The following GRID1 variants were observed in gnomAD, a reference collection of about 807,000 sequenced individuals.
The protein encoded by GRID1 is glutamate receptor ionotropic, delta-1.
In GRID1, 28 loss-of-function variants were observed where a neutral mutation model predicts 98.0. That is an observed-to-expected ratio of 0.29 (90% confidence interval 0.21 to 0.39). GRID1 has a LOEUF of 0.39. GRID1 is among the 10% of genes least tolerant of loss of function. The probability of loss-of-function intolerance (pLI) is 1.00; values close to 1 mark genes in which losing one functional copy is unlikely to be tolerated. For synonymous variants in GRID1, 553 were observed against 538.5 expected (o/e 1.03, Z -0.37); for missense variants, 1,111 against 1,340.5 (o/e 0.83, Z 2.67).
chr10:86,092,655 G>A (rs1389158491), intron 4 of GRID1, among the ~76,000 whole-genome samples: 1 of 152,144 alleles, frequency 6.6e-6, no homozygotes, highest in Non-Finnish European at 1.5e-5. Context: ...AGTGTATAAT[G>A]GCAAAAGGCC....
At chr10:86,313,706 G>A (rs977074708) in intron 2 of GRID1, among the ~76,000 whole-genome samples, 16 of 152,142 alleles carry the variant, frequency 1.1e-4, no homozygotes, top group African/African-American at 3.1e-4. Flanking sequence ...CAGGAAATTC[G>A]TGGGAGAGGA....
chr10:85,623,369 CTCT>C lies in GRID1; in HGVS notation c.2194-3339_2194-3337del, dbSNP rs552406975. Among the ~76,000 whole-genome samples the C allele has an allele frequency of 7.0e-3, 1,063 of 152,256 alleles. 3 individuals are homozygous for C. The highest frequency in any genetic ancestry group is 0.012 in the Non-Finnish European group (849 of 68,020). ...TGGCCCTGTTGTCTTTATACAGACC[CTCT>C]TCTTGTTTCCTTGCAGAATGAGCTC... is the stretch of plus-strand genomic sequence containing the variant. On this transcript the variant is annotated intron_variant, in intron 13 of 15. Transcript: ENST00000327946.
At chr10:86,159,067 T>A (rs1845285110) in intron 3 of GRID1, among the ~76,000 whole-genome samples, 2 of 152,240 alleles carry the variant, frequency 1.3e-5, no homozygotes, top group South Asian at 4.1e-4. Context: ...CTAATTTTTT[T>A]GTATTTTTGG....
At chr10:86,240,806 C>T (rs1433275998) in intron 2 of GRID1, among the ~76,000 whole-genome samples, 1 of 152,222 alleles carries the variant, frequency 6.6e-6, no homozygotes, top group Non-Finnish European at 1.5e-5. Context: ...CAAGCAGTGG[C>T]TCACTGGTGG....
intron 2 of GRID1, among the ~76,000 whole-genome samples, chr10:86,358,003 C>T (rs902308818): frequency 6.6e-6 from 1 of 152,140 alleles, no homozygotes; most frequent in African/African-American, 2.4e-5. Context: ...TGGGTCCAAG[C>T]GGCAGCACCA....
At chr10:85,616,314 GT>G (rs1842788041) in intron 14 of GRID1, among the ~76,000 whole-genome samples, 1 of 152,204 alleles carries the variant, frequency 6.6e-6, no homozygotes, top group Admixed American at 6.5e-5. Flanking sequence ...GCCCACTGTT[GT>G]AATTAGAAAG....
intron 3 of GRID1, among the ~76,000 whole-genome samples, chr10:86,179,939 G>A (rs1283441027): frequency 6.6e-6 from 1 of 152,188 alleles, no homozygotes; most frequent in East Asian, 1.9e-4. Context: ...CTGCACATGG[G>A]CGGGAGGGAG....
At chr10:86,150,870 A>G (rs1190684930) in intron 3 of GRID1, among the ~76,000 whole-genome samples, 3 of 152,174 alleles carry the variant, frequency 2.0e-5, no homozygotes, top group Non-Finnish European at 4.4e-5. Flanking sequence ...GTGCCCTCAC[A>G]AGACGTCAGA....
At position 85,896,854 on chromosome 10, in the gene GRID1, C is replaced by G. The variant is rs192396067; in HGVS notation, c.780+19332G>C. On this transcript the variant is annotated intron_variant, in intron 5 of 15. Coordinates refer to ENST00000327946, the MANE Select transcript of GRID1 (RefSeq NM_017551.3). ...TCATCAGAAGGAGACATCAAGAGATCTAGGTATAAGGATGTTGATTGCAGC... is the reference window on the plus strand; with the variant it reads ...TCATCAGAAGGAGACATCAAGAGATGTAGGTATAAGGATGTTGATTGCAGC... Among the ~76,000 whole-genome samples, 392 of 152,250 alleles carry G rather than the reference C, an allele frequency of 2.6e-3. 2 individuals are homozygous for G. The highest frequency in any genetic ancestry group is 3.2e-3 in the Non-Finnish European group (217 of 68,016).
At chr10:85,842,037 C>A (rs889229231) in intron 8 of GRID1, among the ~76,000 whole-genome samples, 68 of 152,070 alleles carry the variant, frequency 4.5e-4, no homozygotes, top group African/African-American at 1.6e-3. Context: ...ATGTTCACTA[C>A]AGCACAATTC....
intron 4 of GRID1, among the ~76,000 whole-genome samples, chr10:86,006,384 GC>G (rs1218254894): frequency 6.6e-6 from 1 of 152,156 alleles, no homozygotes; most frequent in Non-Finnish European, 1.5e-5. Context: ...ACTTTGGGAG[GC>G]CGAGGTGAGC....
intron 12 of GRID1, among the ~76,000 whole-genome samples, chr10:85,651,105 AG>A (rs1436028345): frequency 6.6e-6 from 1 of 152,228 alleles, no homozygotes; most frequent in Non-Finnish European, 1.5e-5. Flanking sequence ...GATGCATGCA[AG>A]CTCCAGAACC....
At position 85,740,014 on chromosome 10, in the gene GRID1, T is replaced by A. The variant is rs544239182; in HGVS notation, c.1234-10400A>T. ...CCTAGAGGAAGCATTGTTTTTATAA[T>A]CAGAAGAAAAATGATAAAGCAATTT... On this transcript the variant is annotated intron_variant, in intron 8 of 15. Coordinates refer to ENST00000327946, the MANE Select transcript of GRID1 (RefSeq NM_017551.3). Among the ~76,000 whole-genome samples the A allele has an allele frequency of 7.9e-5, 12 of 152,280 alleles. No individual in the cohort carries two copies. The South Asian group carries it at 2.1e-3, about 26-fold the overall frequency.
intron 2 of GRID1, among the ~76,000 whole-genome samples, chr10:86,301,863 C>G (rs529533990): frequency 2.0e-5 from 3 of 152,358 alleles, no homozygotes; most frequent in Admixed American, 6.5e-5. Flanking sequence ...TAACAGCTTT[C>G]TGATTCAACA....
At chr10:85,911,567 G>A (rs1841539292) in intron 5 of GRID1, among the ~76,000 whole-genome samples, 1 of 152,280 alleles carries the variant, frequency 6.6e-6, no homozygotes, top group Non-Finnish European at 1.5e-5. Flanking sequence ...GAAAACCCAG[G>A]TGCAAAGGTT....
intron 2 of GRID1, among the ~76,000 whole-genome samples, chr10:86,283,903 TA>T (rs1847391753): frequency 6.8e-6 from 1 of 147,566 alleles, no homozygotes; most frequent in Admixed American, 6.7e-5. Context: ...CACACCTGTA[TA>T]TACACACCTG....
intron 4 of GRID1, among the ~76,000 whole-genome samples, chr10:85,941,034 A>C (rs982436162): frequency 2.0e-5 from 3 of 152,226 alleles, no homozygotes; most frequent in African/African-American, 7.2e-5. Context: ...AATTGTATGT[A>C]TTAAGGACCC....
rs944057078 is a variant in GRID1, at chr10:86,365,015, A to G, written c.80-919T>C. Among the ~76,000 whole-genome samples, 11 of 151,832 alleles carry G rather than the reference A, an allele frequency of 7.2e-5. No individual in the cohort carries two copies. Among genetic ancestry groups the G allele is most frequent in the African/African-American group, 2.7e-4 (11 of 41,306 alleles). ...TCAGCCACCCACATCCCGCCTCACC[A>G]AGCCTCGAGGGTCCCTGAGGTCCCG... On this transcript the variant is annotated intron_variant, in intron 1 of 15. Transcript: ENST00000327946. The surrounding 1 kb of genome is among the most constrained non-coding windows in gnomAD (Gnocchi z 4.8).
intron 4 of GRID1, among the ~76,000 whole-genome samples, chr10:85,967,624 G>A (rs1455759656): frequency 6.6e-6 from 1 of 152,144 alleles, no homozygotes; most frequent in African/African-American, 2.4e-5. Flanking sequence ...CTCACCAAAT[G>A]GAGAATGTCA....
Sources: allele counts gnomAD v4.1 joint callset (sites outside exome capture counted in the v4.1 genomes callset), GRCh38; gene constraint gnomAD v4.1.1; non-coding constraint Gnocchi (gnomAD v3.1); transcripts MANE v1.5; gene names NCBI Gene and HGNC (gene_info 2026-07-23, HGNC 2026-07-21).